Variants in PKD1L1 observed in about 807,000 individuals in gnomAD.
The protein encoded by PKD1L1 is polycystin-1-like protein 1.
A neutral mutation model predicts 323.4 loss-of-function variants in PKD1L1; 236 were observed. The observed-to-expected ratio is 0.73, with a 90% CI of 0.66 to 0.81. PKD1L1 has a LOEUF of 0.81. Ranked by LOEUF, PKD1L1 falls within the 40% of genes least tolerant of loss-of-function variation. The pLI is 0.00. For synonymous variants in PKD1L1, 1,344 were observed against 1,335.0 expected (o/e 1.01, Z -0.15); for missense variants, 3,320 against 3,508.0 (o/e 0.95, Z 1.35).
At chr7:47,843,496 G>A (rs1785604909) in intron 33 of PKD1L1, among the ~76,000 whole-genome samples, 1 of 152,182 alleles carries the variant, frequency 6.6e-6, no homozygotes, top group Non-Finnish European at 1.5e-5. Flanking sequence ...CGCTGCTATT[G>A]TAAAGATTAA....
At chr7:47,804,777 G>A (rs958942951) in intron 52 of PKD1L1, among the ~76,000 whole-genome samples, 1 of 152,028 alleles carries the variant, frequency 6.6e-6, no homozygotes, top group African/African-American at 2.4e-5. Context: ...GAGCCACCAC[G>A]CCCAGCACAT....
Position 47,834,045 on chromosome 7 carries a change from ATTC to A in PKD1L1, c.6174+291_6174+293del, listed in dbSNP as rs555938551. ...TGAGTAGACACACAGGGCTTTCTGA[ATTC>A]TTCTGGGCTTCACTTCCTTCCTGTT... On this transcript the variant is annotated intron_variant, in intron 40 of 56. Coordinates refer to ENST00000289672, the MANE Select transcript of PKD1L1 (RefSeq NM_138295.5). Among the ~76,000 whole-genome samples, 57 of 152,278 alleles carry A rather than the reference ATTC, an allele frequency of 3.7e-4. No individual in the cohort carries two copies. In the South Asian group the frequency reaches 0.011, roughly 29 times the overall value.
chr7:47,956,280 C>T, the PKD1L1 span, among the ~76,000 whole-genome samples: 69,897 of 152,038 alleles, frequency 0.46, 16,814 homozygotes, highest in East Asian at 0.53. Flanking sequence ...GAAAAGAGAG[C>T]GGGAGGTGGG....
intron 4 of PKD1L1, 95 bp downstream of exon 4, chr7:47,936,751 C>A (rs1219623822): frequency 2.1e-6 from 2 of 962,432 alleles, no homozygotes; most frequent in Admixed American, 4.6e-5. Context: ...CATGTAGGAA[C>A]AAGCATCGAC....
At chr7:47,828,425 G>C (rs1389216836) in intron 44 of PKD1L1, among the ~76,000 whole-genome samples, 3 of 151,862 alleles carry the variant, frequency 2.0e-5, no homozygotes, top group African/African-American at 7.3e-5. Context: ...AGGTATGAGG[G>C]AACAAGGGCA....
At chr7:47,911,008 CT>C (rs148515141) in intron 8 of PKD1L1, among the ~76,000 whole-genome samples, 2,352 of 152,162 alleles carry the variant, frequency 0.015, 57 homozygotes, top group African/African-American at 0.054. Flanking sequence ...GACTTAACCC[CT>C]GATAAAAGAT....
rs1233661410 is a variant in PKD1L1, at chr7:47,865,254, C to T, written c.4111G>A (p.Val1371Ile). The T allele has an allele frequency of 2.5e-6, 4 of 1,613,330 alleles. No homozygotes were observed. Among genetic ancestry groups the T allele is most frequent in the East Asian group, 2.2e-5 (1 of 44,854 alleles). The change falls in exon 26 of 57, where the codon GTT (valine) becomes ATT (isoleucine). Residue 1371 changes from valine to isoleucine, a missense_variant. By Grantham distance (29) the Val-to-Ile change is conservative. Transcript: ENST00000289672. Reference protein sequence around the residue: ...FVDQEEMIGSVLMLRDLVSFS... With the variant: ...FVDQEEMIGSILMLRDLVSFS... ...CTCACGAGGTCCCTCAACATAAGAA[C>T]AGAACCAATCATTTCTTCCTGACCA...
the PKD1L1 span, among the ~76,000 whole-genome samples, chr7:47,953,773 T>C: frequency 6.6e-6 from 1 of 152,236 alleles, no homozygotes; most frequent in African/African-American, 2.4e-5. Context: ...CATCAAGCAC[T>C]TCCCTCACGA....
At chr7:47,914,667 A>G (rs1460361041) in intron 8 of PKD1L1, among the ~76,000 whole-genome samples, 1 of 151,936 alleles carries the variant, frequency 6.6e-6, no homozygotes, top group African/African-American at 2.4e-5. Flanking sequence ...CATCTTACCC[A>G]ATGTTTGCCT....
Position 47,811,999 on chromosome 7 carries a change from G to A in PKD1L1, c.7399C>T (p.Arg2467Cys), listed in dbSNP as rs767901351. Residue 2467 changes from arginine to cysteine, a missense_variant, in exon 50 of 57, where the codon CGC (arginine) becomes TGC (cysteine). By Grantham distance (180) the Arg-to-Cys change is radical (BLOSUM62 -3). Transcript: ENST00000289672. ...TGCACAGACACAGCCCTGGTGCTGC[G>A]GTCAATCCACATGCTGGCCCTGAGT... is the stretch of plus-strand genomic sequence containing the variant. ...SRLRASMWID[R>C]STRAVSVHFT... 1.3e-5 allele frequency: 21 copies of A among 1,588,088 alleles called. No homozygotes were observed. Among genetic ancestry groups the A allele is most frequent in the African/African-American group, 4.0e-5 (3 of 74,340 alleles).
intron 24 of PKD1L1, among the ~76,000 whole-genome samples, chr7:47,868,565 T>C (rs1286454076): frequency 2.6e-5 from 4 of 151,852 alleles, no homozygotes; most frequent in Non-Finnish European, 5.9e-5. Context: ...TGTGCTCTCT[T>C]CTCCAGTTTC....
At chr7:47,902,591 A>C in intron 12 of PKD1L1, 80 bp from the exon 13 acceptor site, 1 of 1,476,566 alleles carries the variant, frequency 6.8e-7, no homozygotes, top group Non-Finnish European at 9.2e-7. Context: ...ATACCCACTC[A>C]TATCTGCAGA....
Position 47,833,268 on chromosome 7 carries a change from C to T in PKD1L1, c.6175-16G>A, listed in dbSNP as rs1462131651. On this transcript the variant is annotated splice_polypyrimidine_tract_variant and intron_variant, in intron 40 of 56. Coordinates refer to ENST00000289672, the MANE Select transcript of PKD1L1 (RefSeq NM_138295.5). ...ATGCAGGTTGCTAGAATGACAAGGT[C>T]ATGCCAAGGTTAATATCTCCACAGA... 3 of 1,609,418 alleles carry T rather than the reference C, an allele frequency of 1.9e-6. No homozygotes were observed. Among genetic ancestry groups the T allele is most frequent in the East Asian group, 2.2e-5 (1 of 44,810 alleles).
chr7:47,951,329 CT>C (rs1665802630), upstream of PKD1L1, among the ~76,000 whole-genome samples: 1 of 152,198 alleles, frequency 6.6e-6, no homozygotes, highest in Admixed American at 6.5e-5. Context: ...CCTGGGAGGT[CT>C]TTCCCTTTGT....
chr7:47,934,012 G>T (rs1297401229), intron 4 of PKD1L1, among the ~76,000 whole-genome samples: 1 of 152,170 alleles, frequency 6.6e-6, no homozygotes, highest in South Asian at 2.1e-4. Flanking sequence ...CCCTGGACTG[G>T]TTCATTAACC....
chr7:47,837,176 C>T, intron 36 of PKD1L1, 82 bp from the exon 37 acceptor site: 1 of 1,488,554 alleles, frequency 6.7e-7, no homozygotes, highest in Non-Finnish European at 9.2e-7. Context: ...CAGTGATCTT[C>T]TGAGCAGAGA....
rs57445026 is a variant in PKD1L1, at chr7:47,902,059, A to AAAAGAAAAGAAAAGAAAAAAG, written c.2064+319_2064+320insCTTTTTTCTTTTCTTTTCTTT. Among the ~76,000 whole-genome samples, 14 of 120,512 alleles carry AAAAGAAAAGAAAAGAAAAAAG rather than the reference A, an allele frequency of 1.2e-4. 1 individual carries two copies. Among genetic ancestry groups the AAAAGAAAAGAAAAGAAAAAAG allele is most frequent in the African/African-American group, 4.0e-4 (14 of 35,300 alleles). The allele number at this position is 120,512 out of a possible 152,430, so 79.1% of individuals were successfully genotyped here. A position where few individuals can be genotyped will look rare whatever the true frequency, so the allele number is the denominator to read the frequency against. Reference sequence around the variant, plus strand: ...GAAAAGAAAAGAAAAGAAAAGAAAAAAAAGAAAAGAAAAGAGCTCCTTAAA... The same window carrying AAAAGAAAAGAAAAGAAAAAAG: ...GAAAAGAAAAGAAAAGAAAAGAAAAAAAAGAAAAGAAAAGAAAAAAGAAAGAAAAGAAAAGAGCTCCTTAAA... On this transcript the variant is annotated intron_variant, in intron 13 of 56. Transcript: ENST00000289672.
chr7:47,793,211 C>G (rs530456469), intron 55 of PKD1L1, among the ~76,000 whole-genome samples: 15 of 152,212 alleles, frequency 9.9e-5, no homozygotes, highest in Admixed American at 9.2e-4. Flanking sequence ...AAAGCCCTAT[C>G]AAAATGTACA....
At chr7:47,830,934 G>T (rs1401944166) in intron 42 of PKD1L1, among the ~76,000 whole-genome samples, 1 of 152,180 alleles carries the variant, frequency 6.6e-6, no homozygotes, top group African/African-American at 2.4e-5. Flanking sequence ...CTGCAGCTGG[G>T]TTCCTTCCTT....
Sources: gnomAD v4.1 joint callset for allele counts (sites outside exome capture counted in the v4.1 genomes callset) on GRCh38, gnomAD v4.1.1 for gene constraint, MANE v1.5 for transcripts, NCBI Gene and HGNC (gene_info 2026-07-23, HGNC 2026-07-21) for gene names.